The following UTP25 variants were observed in gnomAD, a reference collection of about 807,000 sequenced individuals.
UTP25 encodes U3 small nucleolar RNA-associated protein 25 homolog.
Under a neutral mutation model 78.9 loss-of-function variants are expected in UTP25, and 50 were observed. The ratio of observed to expected loss-of-function variants is 0.63; its 90% CI spans 0.50 to 0.80. The LOEUF (loss-of-function observed/expected upper bound fraction) is 0.80, where lower values mean the gene tolerates loss of function less well. UTP25 is among the 30% of genes least tolerant of loss of function. The pLI, the probability that UTP25 is intolerant of heterozygous loss-of-function variation, is 0.00. For synonymous variants in UTP25, 329 were observed against 336.5 expected (o/e 0.98, Z 0.24); for missense variants, 846 against 911.3 (o/e 0.93, Z 0.92).
chr1:209,831,170 T>C (rs1028463432), intron 3 of UTP25, 127 bp downstream of exon 3: 1 of 927,960 alleles, frequency 1.1e-6, no homozygotes, highest in East Asian at 2.6e-5. Flanking sequence ...GGATTTACCC[T>C]TGTTGGGTTT....
chr1:209,847,857 C>A (rs1005239226), intron 11 of UTP25, among the ~76,000 whole-genome samples: 1 of 152,210 alleles, frequency 6.6e-6, no homozygotes, highest in African/African-American at 2.4e-5. Flanking sequence ...AGCCCCCAAC[C>A]ACAAAGAATT....
chr1:209,828,296 C>T, intron 1 of UTP25, 126 bp downstream of exon 1: 2 of 721,024 alleles, frequency 2.8e-6, no homozygotes, highest in South Asian at 1.7e-5. Context: ...TGTGCTCGGC[C>T]GGGGAGATTC....
rs2078237712 is a variant in UTP25 at position 209,851,414 on chromosome 1, G to C, written c.2238G>C (p.Lys746Asn). The C allele has an allele frequency of 4.3e-6, 7 of 1,611,994 alleles. No homozygotes were observed. Among genetic ancestry groups the C allele is most frequent in the Non-Finnish European group, 5.9e-6 (7 of 1,179,518 alleles). ...ERAAQMLQSNKNVHLFITGEK is the reference protein window; with the variant it reads ...ERAAQMLQSNNNVHLFITGEK ...CGGCACAGATGCTACAGTCCAACAA[G>C]AATGTCCACCTCTTCATTACTGGAG... is the stretch of plus-strand genomic sequence containing the variant. Residue 746 changes from lysine to asparagine, a missense_variant, in exon 12 of 12, where the codon AAG (lysine) becomes AAC (asparagine). By Grantham distance (94) the Lys-to-Asn change is moderately conservative (BLOSUM62 0). Coordinates refer to ENST00000491415, the MANE Select transcript of UTP25 (RefSeq NM_014388.7).
At chr1:209,829,486 C>CTTTTT (rs200092993) in intron 1 of UTP25, among the ~76,000 whole-genome samples, 12 of 141,484 alleles carry the variant, frequency 8.5e-5, no homozygotes, top group African/African-American at 1.0e-4. Flanking sequence ...CTTTTCTTTT[C>CTTTTT]TTTTTTCTTT....
intron 10 of UTP25, chr1:209,843,082 G>A: frequency 3.0e-6 from 1 of 332,892 alleles, no homozygotes; most frequent in Admixed American, 4.6e-5. Context: ...TTAGTTAGGG[G>A]ACCCCAAAGA....
Position 209,839,118 on chromosome 1 carries a change from C to G in UTP25, c.1272C>G (p.His424Gln), listed in dbSNP as rs758000151. The G allele has an allele frequency of 6.2e-7, 1 of 1,605,128 alleles. No individual in the cohort carries two copies. Among genetic ancestry groups the G allele is most frequent in the Non-Finnish European group, 8.5e-7 (1 of 1,173,200 alleles). Reference protein sequence around the residue: ...EAVFVGNIDDHFRIGVAILQR... With the variant: ...EAVFVGNIDDQFRIGVAILQR... Reference sequence around the variant, plus strand: ...TATTTGTGGGCAATATTGATGACCACTTCAGGATTGGTAATTCTTCCTTAT... The same window carrying G: ...TATTTGTGGGCAATATTGATGACCAGTTCAGGATTGGTAATTCTTCCTTAT... The change falls in exon 7 of 12, where the codon CAC (histidine) becomes CAG (glutamine). Residue 424 changes from histidine to glutamine, a missense_variant. By Grantham distance (24) the His-to-Gln change is conservative. Coordinates refer to ENST00000491415, the MANE Select transcript of UTP25 (RefSeq NM_014388.7).
chr1:209,853,359 C>CT lies in UTP25; in HGVS notation c.*1927dup, dbSNP rs766466685. 756 of 140,916 alleles carry CT rather than the reference C, an allele frequency of 5.4e-3. 8 individuals carry two copies. Among genetic ancestry groups the CT allele is most frequent in the Middle Eastern group, 0.029 (8 of 272 alleles). The allele number at this position is 140,916 out of a possible 1,614,324, so 8.7% of individuals were successfully genotyped here. A position where few individuals can be genotyped will look rare whatever the true frequency, so the allele number is the denominator to read the frequency against. Reference sequence around the variant, plus strand: ...GCGAAGGGACTGTAATTACCTGGATCTTTTTTTTTTTTTTTGAGATGGAGT... The same window carrying CT: ...GCGAAGGGACTGTAATTACCTGGATCTTTTTTTTTTTTTTTTGAGATGGAGT... On this transcript the variant is annotated 3_prime_UTR_variant, in exon 12 of 12. Coordinates refer to ENST00000491415, the MANE Select transcript of UTP25 (RefSeq NM_014388.7).
At chr1:209,843,807 C>A (rs1395062981) in intron 11 of UTP25, 111 bp downstream of exon 11, 1 of 1,395,384 alleles carries the variant, frequency 7.2e-7, no homozygotes, top group Non-Finnish European at 9.7e-7. Flanking sequence ...ATCCCTCACT[C>A]TCGCACTCTT....
rs769966467 is a variant in UTP25, at chr1:209,836,805, C to T, written c.656C>T (p.Pro219Leu). Residue 219 changes from proline (P) to leucine (L), a missense_variant, in exon 6 of 12, where the codon CCT (proline) becomes CTT (leucine). Physicochemically the swap from Pro to Leu is moderately conservative, Grantham distance 98. Coordinates refer to ENST00000491415, the MANE Select transcript of UTP25 (RefSeq NM_014388.7). ...CTTGATCTGTTTCTCCCCTAGTGGCCTATTCTGGGCCAGCTTTTCTTTTCC... is the reference window on the plus strand; with the variant it reads ...CTTGATCTGTTTCTCCCCTAGTGGCTTATTCTGGGCCAGCTTTTCTTTTCC... ...NPKTTHELKW[P>L]ILGQLFFSSK... is the part of the protein sequence containing the mutation. The T allele has an allele frequency of 2.5e-6, 4 of 1,598,826 alleles. No homozygotes were observed. The Admixed American group carries it at 7.1e-5, about 28-fold the overall frequency.
rs2078135310 is a variant in UTP25 at position 209,836,785 on chromosome 1, T to A, written c.652-16T>A. ...TATTCATTTCTAATTTGGCTCTTGA[T>A]CTGTTTCTCCCCTAGTGGCCTATTC... On this transcript the variant is annotated splice_polypyrimidine_tract_variant and intron_variant, in intron 5 of 11. Transcript: ENST00000491415. 1 of 1,564,676 alleles carries A rather than the reference T, an allele frequency of 6.4e-7. No individual in the cohort carries two copies. The highest frequency in any genetic ancestry group is 1.4e-5 in the African/African-American group (1 of 72,330).
chr1:209,836,725 G>A lies in UTP25; in HGVS notation c.652-76G>A, dbSNP rs898832376. 24 of 1,468,358 alleles carry A rather than the reference G, an allele frequency of 1.6e-5. No individual in the cohort carries two copies. The South Asian group carries it at 2.1e-4, about 13-fold the overall frequency. The allele number at this position is 1,468,358 out of a possible 1,614,324, so 91.0% of individuals were successfully genotyped here. On this transcript the variant is annotated intron_variant, in intron 5 of 11. Transcript: ENST00000491415. Reference sequence around the variant, plus strand: ...TGATCTATAAATCATGAAAAAATTCGCTAAATATAGTACTATGTGAATGTA... The same window carrying A: ...TGATCTATAAATCATGAAAAAATTCACTAAATATAGTACTATGTGAATGTA...
chr1:209,838,587 T>G (rs1164229846), intron 6 of UTP25, among the ~76,000 whole-genome samples: 3 of 152,226 alleles, frequency 2.0e-5, no homozygotes, highest in Non-Finnish European at 4.4e-5. Context: ...GCTCATGTGT[T>G]TATGTCCTTG....
At chr1:209,831,185 G>A (rs2078101656) in intron 3 of UTP25, 142 bp downstream of exon 3, 5 of 801,254 alleles carry the variant, frequency 6.2e-6, no homozygotes, top group Non-Finnish European at 9.7e-6. Context: ...GGGTTTGATT[G>A]TATCTTTGAG....
chr1:209,834,774 A>T (rs950671401), intron 4 of UTP25, among the ~76,000 whole-genome samples: 2 of 152,250 alleles, frequency 1.3e-5, no homozygotes, highest in African/African-American at 4.8e-5. Flanking sequence ...TTTGAGGGCC[A>T]TATAGTCCAG....
intron 2 of UTP25, 44 bp downstream of exon 2, chr1:209,830,191 TC>T: frequency 1.3e-6 from 2 of 1,535,664 alleles, no homozygotes; most frequent in Non-Finnish European, 1.8e-6. Flanking sequence ...TTTGGGTTGT[TC>T]CCACTAAGAT....
At chr1:209,833,644 A>T (rs970350371) in intron 4 of UTP25, among the ~76,000 whole-genome samples, 10 of 152,304 alleles carry the variant, frequency 6.6e-5, no homozygotes, top group Admixed American at 3.9e-4. Context: ...TTTTCTCCCC[A>T]AGTAGGGAAA....
At position 209,830,895 on chromosome 1, in the gene UTP25, G is replaced by T; in HGVS notation, c.240G>T (p.Lys80Asn). 6.2e-7 allele frequency: 1 copy of T among 1,614,120 alleles called. No homozygotes were observed. Among genetic ancestry groups the T allele is most frequent in the Non-Finnish European group, 8.5e-7 (1 of 1,179,988 alleles). The change falls in exon 3 of 12, where the codon AAG becomes AAT. Residue 80 changes from lysine to asparagine, a missense_variant. Coordinates refer to ENST00000491415, the MANE Select transcript of UTP25 (RefSeq NM_014388.7). ...SGYHRLLATLKNVSEEEEEDE... is the reference protein window; with the variant it reads ...SGYHRLLATLNNVSEEEEEDE... ...ACCACAGACTACTTGCTACATTAAA[G>T]AATGTTTCTGAGGAAGAAGAGGAAG...
rs2078237978 is a variant in UTP25, at chr1:209,851,434, C to T, written c.2258C>T (p.Thr753Ile). 1 of 1,602,974 alleles carries T rather than the reference C, an allele frequency of 6.2e-7. No individual in the cohort carries two copies. Among genetic ancestry groups the T allele is most frequent in the Non-Finnish European group, 8.5e-7 (1 of 1,174,844 alleles). ...QSNKNVHLFI[T>I]GEK ...AACAAGAATGTCCACCTCTTCATTA[C>T]TGGAGAAAAATGAAATTTTGTTGGG... Residue 753 changes from threonine to isoleucine, a missense_variant, in exon 12 of 12, where the codon ACT (threonine) becomes ATT (isoleucine). Physicochemically the swap from Thr to Ile is moderately conservative, Grantham distance 89. Coordinates refer to ENST00000491415, the MANE Select transcript of UTP25 (RefSeq NM_014388.7).
At chr1:209,838,778 CAT>C (rs1352124301) in intron 6 of UTP25, 129 bp from the exon 7 acceptor site, 1 of 995,520 alleles carries the variant, frequency 1.0e-6, no homozygotes, top group Non-Finnish European at 1.6e-6. Flanking sequence ...AAGCGGGTAA[CAT>C]AGGTATGTTT....
Sources: gnomAD v4.1 joint callset for allele counts (sites outside exome capture counted in the v4.1 genomes callset) on GRCh38, gnomAD v4.1.1 for gene constraint, MANE v1.5 for transcripts, NCBI Gene and HGNC (gene_info 2026-07-23, HGNC 2026-07-21) for gene names.